Variants in LRRC8C observed in about 807,000 individuals in gnomAD.
LRRC8C encodes leucine rich repeat containing 8 VRAC subunit C.
A neutral mutation model predicts 55.3 loss-of-function variants in LRRC8C; 20 were observed. The ratio of observed to expected loss-of-function variants is 0.36; its 90% CI spans 0.25 to 0.53. The LOEUF (loss-of-function observed/expected upper bound fraction) is 0.53. Ranked by LOEUF, LRRC8C falls within the 20% of genes least tolerant of loss-of-function variation. The pLI is 0.92. For synonymous variants in LRRC8C, 376 were observed against 360.7 expected (o/e 1.04, Z -0.48); for missense variants, 659 against 951.4 (o/e 0.69, Z 4.04).
intron 1 of LRRC8C, among the ~76,000 whole-genome samples, chr1:89,681,916 G>A (rs113797910): frequency 9.1e-4 from 138 of 152,306 alleles, no homozygotes; most frequent in Admixed American, 1.8e-3. Context: ...GGCTGGGCAC[G>A]CCTGTAATCC....
intron 1 of LRRC8C, among the ~76,000 whole-genome samples, chr1:89,642,569 G>T (rs986518431): frequency 6.6e-6 from 1 of 152,126 alleles, no homozygotes; most frequent in Non-Finnish European, 1.5e-5. Context: ...ACAAAAATTG[G>T]CCAGGCACAG....
intron 1 of LRRC8C, among the ~76,000 whole-genome samples, chr1:89,659,109 C>CT (rs1305697933): frequency 2.8e-5 from 3 of 107,326 alleles, no homozygotes; most frequent in African/African-American, 3.8e-5. Flanking sequence ...GTGTGTGTGT[C>CT]TGTGATGAAG....
At chr1:89,692,721 A>G (rs768482227) in intron 2 of LRRC8C, among the ~76,000 whole-genome samples, 15 of 152,218 alleles carry the variant, frequency 9.9e-5, no homozygotes, top group Non-Finnish European at 1.9e-4. Flanking sequence ...GTAGGAGTAT[A>G]TGTGTCTGTC....
At chr1:89,629,535 T>G (rs1391738990), upstream of LRRC8C, among the ~76,000 whole-genome samples, 1 of 152,244 alleles carries the variant, frequency 6.6e-6, no homozygotes, top group Non-Finnish European at 1.5e-5. Context: ...AAATTTAGTA[T>G]GAATTATTTA....
chr1:89,707,362 G>A (rs1056141702), intron 2 of LRRC8C, among the ~76,000 whole-genome samples: 1 of 151,904 alleles, frequency 6.6e-6, no homozygotes, highest in African/African-American at 2.4e-5. Context: ...AGCTGAGATT[G>A]CGCCACTGCA....
intron 1 of LRRC8C, among the ~76,000 whole-genome samples, chr1:89,683,984 T>G (rs1160600426): frequency 6.6e-6 from 1 of 152,160 alleles, no homozygotes; most frequent in Non-Finnish European, 1.5e-5. Context: ...TTGCAAAAAT[T>G]TAGAACAATT....
At chr1:89,688,416 T>C (rs1157360960) in intron 2 of LRRC8C, among the ~76,000 whole-genome samples, 1 of 147,968 alleles carries the variant, frequency 6.8e-6, no homozygotes, top group Non-Finnish European at 1.5e-5. Flanking sequence ...GTAAATATGT[T>C]AGAAGATAAA....
the LRRC8C span, among the ~76,000 whole-genome samples, chr1:89,620,724 G>A: frequency 1.3e-5 from 2 of 152,082 alleles, no homozygotes; most frequent in Non-Finnish European, 2.9e-5. Context: ...CTTCCTTTTA[G>A]CTACTTGAGA....
chr1:89,712,712 A>T lies in LRRC8C; in HGVS notation c.142A>T (p.Met48Leu), dbSNP rs755279515. ...AAATATTATTTCCATGTTTCAGGTCATGCAAGACAAGATAATCTGCCTTCC... is the reference window on the plus strand; with the variant it reads ...AAATATTATTTCCATGTTTCAGGTCTTGCAAGACAAGATAATCTGCCTTCC... ...IGVFGCTLQV[M>L]QDKIICLPKR... Residue 48 changes from methionine to leucine, a missense_variant, in exon 3 of 3, where the codon ATG becomes TTG. Around this residue, in one of 5 missense-constraint regions of LRRC8C, gnomAD observed 82 missense variants for 71.4 expected, o/e 1.15. Coordinates refer to ENST00000370454, the MANE Select transcript of LRRC8C (RefSeq NM_032270.5). 2.5e-6 allele frequency: 4 copies of T among 1,609,358 alleles called. No homozygotes were observed. Among genetic ancestry groups the T allele is most frequent in the Non-Finnish European group, 3.4e-6 (4 of 1,175,812 alleles).
intron 2 of LRRC8C, among the ~76,000 whole-genome samples, chr1:89,690,265 T>C (rs902535803): frequency 6.6e-6 from 1 of 152,180 alleles, no homozygotes; most frequent in Non-Finnish European, 1.5e-5. Context: ...GCCTTATGGC[T>C]TGTTGTTTCT....
At chr1:89,651,297 A>G (rs1656769078) in intron 1 of LRRC8C, among the ~76,000 whole-genome samples, 1 of 152,154 alleles carries the variant, frequency 6.6e-6, no homozygotes, top group South Asian at 2.1e-4. Context: ...GGCCAGGCAT[A>G]GTGGCTCACG....
Position 89,714,806 on chromosome 1 carries a change from C to G in LRRC8C, c.2236C>G (p.Pro746Ala). 6.2e-7 allele frequency: 1 copy of G among 1,614,050 alleles called. No individual in the cohort carries two copies. The highest frequency in any genetic ancestry group is 8.5e-7 in the Non-Finnish European group (1 of 1,180,014). The change falls in exon 3 of 3, where the codon CCG becomes GCG. Residue 746 changes from proline to alanine, a missense_variant. This residue lies in a region of LRRC8C where 344 missense variants were observed against 464.6 expected (regional missense o/e 0.74). Coordinates refer to ENST00000370454, the MANE Select transcript of LRRC8C (RefSeq NM_032270.5). This position sits in a 1 kb window ranked among gnomAD's most constrained non-coding sequence, Gnocchi z 4.6. Reference sequence around the variant, plus strand: ...AAAAAACAGCCTATCTGTACTTTCACCGAAAATTGGAAATTTGCTATTTCT... The same window carrying G: ...AAAAAACAGCCTATCTGTACTTTCAGCGAAAATTGGAAATTTGCTATTTCT... The part of the protein sequence containing the change: ...IGKNSLSVLS[P>A]KIGNLLFLSY...
intron 1 of LRRC8C, among the ~76,000 whole-genome samples, chr1:89,680,984 T>C (rs1434255371): frequency 6.6e-6 from 1 of 152,244 alleles, no homozygotes; most frequent in Admixed American, 6.5e-5. Flanking sequence ...ATTAAAAATA[T>C]TACACTTCCA....
intron 2 of LRRC8C, among the ~76,000 whole-genome samples, chr1:89,709,913 G>A (rs1231983683): frequency 1.3e-5 from 2 of 151,902 alleles, no homozygotes; most frequent in Non-Finnish European, 2.9e-5. Context: ...CACCGCGCCC[G>A]GCTAATTTTT....
intron 2 of LRRC8C, among the ~76,000 whole-genome samples, chr1:89,711,785 G>A (rs933176138): frequency 1.3e-5 from 2 of 152,196 alleles, no homozygotes; most frequent in African/African-American, 4.8e-5. Context: ...AATATTTTGT[G>A]TGTAACGCTA....
chr1:89,707,664 G>T (rs183293718), intron 2 of LRRC8C, among the ~76,000 whole-genome samples: 3 of 148,724 alleles, frequency 2.0e-5, no homozygotes, highest in Admixed American at 1.3e-4. Context: ...GTGTGTGTGT[G>T]TGTGTGTGTG....
intron 1 of LRRC8C, among the ~76,000 whole-genome samples, chr1:89,651,585 A>C (rs113416828): frequency 0.019 from 2,881 of 150,872 alleles, 95 homozygotes; most frequent in African/African-American, 0.067. Context: ...AAAAAAAAAA[A>C]AAAAAGCAAC....
At chr1:89,648,617 T>C (rs74881181) in intron 1 of LRRC8C, among the ~76,000 whole-genome samples, 3,994 of 152,314 alleles carry the variant, frequency 0.026, 95 homozygotes, top group South Asian at 0.036. Flanking sequence ...AACCACATAT[T>C]TGTTTACAGT....
At chr1:89,647,421 T>G (rs2101190354) in intron 1 of LRRC8C, among the ~76,000 whole-genome samples, 1 of 152,318 alleles carries the variant, frequency 6.6e-6, no homozygotes, top group East Asian at 1.9e-4. Flanking sequence ...AATAACTGTA[T>G]CAGAAAGTAC....
Sources: gnomAD v4.1 joint callset for allele counts (sites outside exome capture counted in the v4.1 genomes callset) on GRCh38, gnomAD v4.1.1 for gene constraint, gnomAD v4.1.1 regional missense constraint, Gnocchi (gnomAD v3.1) non-coding constraint, MANE v1.5 for transcripts, NCBI Gene and HGNC (gene_info 2026-07-23, HGNC 2026-07-21) for gene names.